The following HUNK variants were observed in gnomAD, a reference collection of about 807,000 sequenced individuals.
HUNK encodes the protein hormonally up-regulated neu tumor-associated kinase.
In HUNK, 21 loss-of-function variants were observed where a neutral mutation model predicts 61.0. The observed-to-expected ratio is 0.34, with a 90% confidence interval of 0.24 to 0.50. The LOEUF (loss-of-function observed/expected upper bound fraction) is 0.50, where lower values mean the gene tolerates loss of function less well. Among genes scored for constraint, HUNK ranks in the 20% least tolerant of loss-of-function variants. The pLI, the probability that HUNK is intolerant of heterozygous loss-of-function variation, is 0.98. For synonymous variants in HUNK, 371 were observed against 386.1 expected, an observed-to-expected ratio of 0.96 and a Z score of 0.46; for missense variants, 772 against 945.7, an observed-to-expected ratio of 0.82 and a Z score of 2.41.
At chr21:31,990,663 G>C (rs1308397302) in intron 9 of HUNK, among the ~76,000 whole-genome samples, 1 of 151,834 alleles carries the variant, frequency 6.6e-6, no homozygotes, top group Non-Finnish European at 1.5e-5. Flanking sequence ...AGCCTCCCGA[G>C]TAGCTGGGAT....
chr21:31,935,481 G>A (rs1483881286), intron 2 of HUNK, among the ~76,000 whole-genome samples: 1 of 152,128 alleles, frequency 6.6e-6, no homozygotes, highest in Non-Finnish European at 1.5e-5. Flanking sequence ...TTTGATAAAT[G>A]CACAGTATCA....
intron 2 of HUNK, among the ~76,000 whole-genome samples, chr21:31,939,399 GTTTTTTTTTTTTTTT>G (rs398036365): frequency 1.5e-5 from 1 of 66,720 alleles, no homozygotes; most frequent in African/African-American, 7.1e-5. Context: ...GCTTTCATGT[GTTTTTTTTTTTTTTT>G]TTTTTTTTTT....
intron 2 of HUNK, among the ~76,000 whole-genome samples, chr21:31,930,023 A>G (rs1359511669): frequency 6.6e-6 from 1 of 152,196 alleles, no homozygotes; most frequent in Non-Finnish European, 1.5e-5. Context: ...AGTTACAGCA[A>G]AAGTTTTGTG....
At chr21:31,885,121 G>A (rs2052336864) in intron 1 of HUNK, among the ~76,000 whole-genome samples, 1 of 152,198 alleles carries the variant, frequency 6.6e-6, no homozygotes, top group Admixed American at 6.5e-5. Context: ...TGGTATTATG[G>A]TACTATGTTA....
At chr21:31,951,979 A>G (rs555123079) in intron 4 of HUNK, among the ~76,000 whole-genome samples, 1 of 152,104 alleles carries the variant, frequency 6.6e-6, no homozygotes, top group Non-Finnish European at 1.5e-5. Context: ...CTTTTGAGAG[A>G]GAGGTTTCCC....
chr21:31,912,378 G>T (rs753977696), intron 1 of HUNK, among the ~76,000 whole-genome samples: 1 of 152,208 alleles, frequency 6.6e-6, no homozygotes, highest in Non-Finnish European at 1.5e-5. Flanking sequence ...CCCAGCAGGG[G>T]TCTGGAGATG....
At chr21:31,891,238 G>A (rs751309679) in intron 1 of HUNK, among the ~76,000 whole-genome samples, 6 of 152,180 alleles carry the variant, frequency 3.9e-5, no homozygotes, top group Non-Finnish European at 7.3e-5. Flanking sequence ...TTAGCTGGGC[G>A]TGGTGGCCCA....
intron 6 of HUNK, among the ~76,000 whole-genome samples, chr21:31,972,765 G>C (rs947533040): frequency 6.6e-6 from 1 of 152,216 alleles, no homozygotes; most frequent in Non-Finnish European, 1.5e-5. Flanking sequence ...TGACAAACAG[G>C]AATGAGGAAG....
intron 1 of HUNK, among the ~76,000 whole-genome samples, chr21:31,911,429 A>G (rs1051275365): frequency 3.3e-5 from 5 of 152,142 alleles, no homozygotes; most frequent in African/African-American, 4.8e-5. Context: ...AGGGAGTGCT[A>G]TGTGGCCAAG....
chr21:31,981,369 A>ATT (rs71320222), intron 7 of HUNK, among the ~76,000 whole-genome samples: 26,025 of 147,132 alleles, frequency 0.18, 2,650 homozygotes, highest in African/African-American at 0.27. Context: ...AAATGTTAGG[A>ATT]TTTTTTTTTT....
At chr21:31,880,396 A>G (rs890527401) in intron 1 of HUNK, among the ~76,000 whole-genome samples, 2 of 152,188 alleles carry the variant, frequency 1.3e-5, no homozygotes, top group South Asian at 4.1e-4. Context: ...TCCAAAACCA[A>G]GGTGTTGGCA....
chr21:31,914,066 C>T (rs962505595), intron 1 of HUNK, among the ~76,000 whole-genome samples: 5 of 152,116 alleles, frequency 3.3e-5, no homozygotes, highest in Non-Finnish European at 7.4e-5. Context: ...GTTGCTGTGA[C>T]GTCCCCAGAC....
intron 2 of HUNK, among the ~76,000 whole-genome samples, chr21:31,930,248 G>A (rs748983557): frequency 2.8e-4 from 42 of 152,186 alleles, no homozygotes; most frequent in Middle Eastern, 3.2e-3. Flanking sequence ...CAGGGAAAGC[G>A]GATTATCCAC....
At position 31,998,840 on chromosome 21, in the gene HUNK, C is replaced by T. The variant is rs762195813; in HGVS notation, c.1801C>T (p.Pro601Ser). The T allele has an allele frequency of 1.9e-6, 3 of 1,614,088 alleles. No individual in the cohort carries two copies. Among genetic ancestry groups the T allele is most frequent in the East Asian group, 2.2e-5 (1 of 44,880 alleles). ...AAATTCCAGCGAGAGGACGCTGTCC[C>T]CGGGTCTGCCATCCGGAAGCATGTC... ...RRNSSERTLSPGLPSGSMSPL... is the reference protein window; with the variant it reads ...RRNSSERTLSSGLPSGSMSPL... Residue 601 changes from proline to serine, a missense_variant, in exon 11 of 11, where the codon CCG (proline) becomes TCG (serine). By Grantham distance (74) the Pro-to-Ser change is moderately conservative (BLOSUM62 -1). This residue lies in a region of HUNK where 413 missense variants were observed against 444.4 expected (regional missense o/e 0.93). Coordinates refer to ENST00000270112, the MANE Select transcript of HUNK (RefSeq NM_014586.2).
Position 31,961,730 on chromosome 21 carries a change from G to C in HUNK, c.874+2760G>C, listed in dbSNP as rs150507011. ...AGAGTGATTCCAAAGTTTCTTTGAG[G>C]GTTCAGAGCCTGTTTTATTCAAGTG... On this transcript the variant is annotated intron_variant, in intron 5 of 10. Coordinates refer to ENST00000270112, the MANE Select transcript of HUNK (RefSeq NM_014586.2). 8.1e-3 allele frequency among the ~76,000 whole-genome samples: 1,237 copies of C among 152,194 alleles called. 20 individuals carry two copies. Among genetic ancestry groups the C allele is most frequent in the African/African-American group, 0.027 (1,123 of 41,512 alleles).
chr21:31,971,042 C>A (rs1339182969), intron 6 of HUNK, among the ~76,000 whole-genome samples: 1 of 150,332 alleles, frequency 6.7e-6, no homozygotes, highest in South Asian at 2.1e-4. Flanking sequence ...GGTTTTTAAG[C>A]GTGGAACCAG....
intron 1 of HUNK, among the ~76,000 whole-genome samples, chr21:31,891,006 C>A (rs765023814): frequency 6.6e-6 from 1 of 151,728 alleles, no homozygotes; most frequent in African/African-American, 2.4e-5. Flanking sequence ...TTAAATTTGA[C>A]GGTTTAATTA....
Position 31,914,528 on chromosome 21 carries a change from C to T in HUNK, c.262-9940C>T, listed in dbSNP as rs140833315. Among the ~76,000 whole-genome samples the T allele has an allele frequency of 6.8e-4, 103 of 151,412 alleles. 2 individuals carry two copies. In the East Asian group the frequency reaches 0.016, roughly 23 times the overall value. On this transcript the variant is annotated intron_variant, in intron 1 of 10. Transcript: ENST00000270112. ...GGGAATCCCGTAGAATTGTAGGATG[C>T]TCAGATGGTCTATTAGCCTGCTCAG...
intron 2 of HUNK, among the ~76,000 whole-genome samples, chr21:31,939,459 A>G (rs1354671078): frequency 3.5e-5 from 4 of 114,906 alleles, no homozygotes; most frequent in Non-Finnish European, 6.4e-5. Flanking sequence ...CCCAGGCTGG[A>G]GTGCAATGGT....
Sources: allele counts gnomAD v4.1 joint callset (sites outside exome capture counted in the v4.1 genomes callset), GRCh38; gene constraint gnomAD v4.1.1; regional missense constraint gnomAD v4.1.1; transcripts MANE v1.5; gene names NCBI Gene and HGNC (gene_info 2026-07-23, HGNC 2026-07-21).